SNCG: variants seen among roughly 807,000 people sequenced by gnomAD.
SNCG encodes gamma-synuclein.
Under a neutral mutation model 16.0 loss-of-function variants are expected in SNCG, and 13 were observed. The observed-to-expected ratio is 0.81, with a 90% CI of 0.53 to 1.29. The LOEUF (loss-of-function observed/expected upper bound fraction) is 1.29. Among genes scored for constraint, SNCG ranks in the 50% most tolerant of loss-of-function variants. The probability of loss-of-function intolerance (pLI) is 0.00; values close to 1 mark genes in which losing one functional copy is unlikely to be tolerated. For synonymous variants in SNCG, 66 were observed against 66.3 expected, an observed-to-expected ratio of 1.00 and a Z score of 0.02; for missense variants, 154 against 168.5, an observed-to-expected ratio of 0.91 and a Z score of 0.48.
At position 86,963,081 on chromosome 10, in the gene SNCG, C is replaced by A; in HGVS notation, c.*96C>A. On this transcript the variant is annotated 3_prime_UTR_variant, in exon 5 of 5. Coordinates refer to ENST00000372017, the MANE Select transcript of SNCG (RefSeq NM_003087.3). ...AGGAGTGCCCGCCTTGAGTGACATG[C>A]GGCTGCCCACGCTCCTGCCCTCGTC... is the stretch of plus-strand genomic sequence containing the variant. The A allele has an allele frequency of 7.8e-7, 1 of 1,281,498 alleles. No homozygotes were observed. The highest frequency in any genetic ancestry group is 1.1e-6 in the Non-Finnish European group (1 of 927,356). The allele number at this position is 1,281,498 out of a possible 1,614,324, so 79.4% of individuals were successfully genotyped here.
chr10:86,960,228 C>T (rs1844319419), intron 3 of SNCG, 100 bp downstream of exon 3: 6 of 1,164,810 alleles, frequency 5.2e-6, no homozygotes, highest in African/African-American at 1.5e-5. Context: ...GGAAACAACA[C>T]GGGGGGCTGC....
chr10:86,960,583 A>G (rs935015404), intron 3 of SNCG, among the ~76,000 whole-genome samples: 4 of 152,104 alleles, frequency 2.6e-5, no homozygotes, highest in African/African-American at 9.7e-5. Context: ...TGGGAGCCTC[A>G]GGGAAGTAGC....
chr10:86,956,434 G>C (rs548171715), upstream of SNCG, among the ~76,000 whole-genome samples: 170 of 151,792 alleles, frequency 1.1e-3, 1 homozygote, highest in Non-Finnish European at 2.0e-3. Context: ...GTGTAAGTTG[G>C]CCCCCCCCTC....
chr10:86,956,563 A>G (rs1349449674), upstream of SNCG, among the ~76,000 whole-genome samples: 1 of 152,216 alleles, frequency 6.6e-6, no homozygotes, highest in Non-Finnish European at 1.5e-5. Context: ...AGAGTTCACT[A>G]TGAGCTCTGA....
chr10:86,960,035 G>A lies in SNCG; in HGVS notation c.198G>A (p.Val66=), dbSNP rs775526277. The A allele has an allele frequency of 3.7e-6, 6 of 1,611,094 alleles. No homozygotes were observed. Among genetic ancestry groups the A allele is most frequent in the Non-Finnish European group, 5.1e-6 (6 of 1,179,170 alleles). Residue 66 remains valine, a synonymous_variant, in exon 3 of 5, where the codon GTG becomes GTA. Coordinates refer to ENST00000372017, the MANE Select transcript of SNCG (RefSeq NM_003087.3). The part of the protein sequence containing the change: ...AEKTKEQANA[V]SEAVVSSVNT... ...AGACCAAGGAGCAGGCCAACGCCGT[G>A]AGCGAGGCTGTGGTGAGCAGCGTCA...
At chr10:86,957,747 A>T (rs1402262475), upstream of SNCG, 2 of 1,365,792 alleles carry the variant, frequency 1.5e-6, no homozygotes, top group Non-Finnish European at 1.9e-6. Flanking sequence ...CGCCAACCAC[A>T]CAAGCCAGTT....
At chr10:86,962,000 T>C (rs1458832449) in intron 3 of SNCG, among the ~76,000 whole-genome samples, 2 of 152,144 alleles carry the variant, frequency 1.3e-5, no homozygotes, top group Non-Finnish European at 2.9e-5. Flanking sequence ...AGATAGAAGA[T>C]GGGAAGTGAG....
At chr10:86,957,805 T>A (rs994856576), upstream of SNCG, 1 of 1,263,290 alleles carries the variant, frequency 7.9e-7, no homozygotes, top group Non-Finnish European at 1.0e-6. Context: ...GTGGTAGACA[T>A]GGGGTGGCCC....
Position 86,958,676 on chromosome 10 carries a change from A to G in SNCG, c.-22A>G, listed in dbSNP as rs763058285. ...GATCCAGCTCCGTCCTGCCTGCAGC[A>G]GCACAACCCTGCACACCCACCATGG... On this transcript the variant is annotated 5_prime_UTR_variant, in exon 1 of 5. Coordinates refer to ENST00000372017, the MANE Select transcript of SNCG (RefSeq NM_003087.3). The G allele has an allele frequency of 6.2e-7, 1 of 1,613,530 alleles. No individual in the cohort carries two copies. The highest frequency in any genetic ancestry group is 1.3e-5 in the African/African-American group (1 of 74,940).
At chr10:86,956,376 C>T (rs1272980477), upstream of SNCG, among the ~76,000 whole-genome samples, 1 of 152,210 alleles carries the variant, frequency 6.6e-6, no homozygotes, top group Non-Finnish European at 1.5e-5. Flanking sequence ...TGAGACCTAT[C>T]CCAGGCAGGT....
Position 86,959,274 on chromosome 10 carries a change from G to A in SNCG, c.122-359G>A, listed in dbSNP as rs1169282435. ...GTTCCCTCCCCCGCATCCTCTCCTG[G>A]CACTCTCCAGAGGAGGAAGGGGAGG... is the stretch of plus-strand genomic sequence containing the variant. On this transcript the variant is annotated intron_variant, in intron 1 of 4. Coordinates refer to ENST00000372017, the MANE Select transcript of SNCG (RefSeq NM_003087.3). This position sits in a 1 kb window ranked among gnomAD's most constrained non-coding sequence, Gnocchi z 4.3. The A allele has an allele frequency of 4.8e-6, 2 of 420,610 alleles. No individual in the cohort carries two copies. The highest frequency in any genetic ancestry group is 8.5e-6 in the Non-Finnish European group (2 of 235,010). The allele number at this position is 420,610 out of a possible 1,614,324, so 26.1% of individuals were successfully genotyped here.
At chr10:86,962,354 T>C (rs954298746) in intron 3 of SNCG, among the ~76,000 whole-genome samples, 1 of 152,150 alleles carries the variant, frequency 6.6e-6, no homozygotes, top group Non-Finnish European at 1.5e-5. Flanking sequence ...TCCCAGAGAC[T>C]GGGGACCAGC....
At position 86,958,747 on chromosome 10, in the gene SNCG, G is replaced by GT. The variant is rs1564737154; in HGVS notation, c.51dup (p.Ala18CysfsTer14). The stretch of plus-strand genomic sequence containing the variant: ...TCCATCGCCAAGGAGGGCGTGGTGG[G>GT]TGCGGTGGAAAAGACCAAGCAGGGG... On this transcript the variant is annotated frameshift_variant, in exon 1 of 5. Transcript: ENST00000372017. LOFTEE classifies it high-confidence loss of function. The GT allele has an allele frequency of 1.9e-6, 3 of 1,613,994 alleles. No homozygotes were observed. In the East Asian group the frequency reaches 6.7e-5, roughly 36 times the overall value.
At position 86,959,459 on chromosome 10, in the gene SNCG, C is replaced by T. The variant is rs1564737475; in HGVS notation, c.122-174C>T. 3.1e-6 allele frequency: 2 copies of T among 643,334 alleles called. No homozygotes were observed. Among genetic ancestry groups the T allele is most frequent in the Non-Finnish European group, 5.6e-6 (2 of 357,462 alleles). The allele number at this position is 643,334 out of a possible 1,614,324, so 39.9% of individuals were successfully genotyped here. On this transcript the variant is annotated intron_variant, in intron 1 of 4. Transcript: ENST00000372017. The surrounding 1 kb of genome is among the most constrained non-coding windows in gnomAD (Gnocchi z 4.3). ...TCTGTCCTGTCCCCTTCCCATCCAT[C>T]CACTTCTTCCAGACACAGCAGGAAG...
At position 86,962,624 on chromosome 10, in the gene SNCG, C is replaced by T. The variant is rs1172092068; in HGVS notation, c.312C>T (p.Ala104=). Residue 104 remains alanine, a synonymous_variant, in exon 4 of 5, where the codon GCC becomes GCT. Coordinates refer to ENST00000372017, the MANE Select transcript of SNCG (RefSeq NM_003087.3). ...VVRKEDLRPS[A]PQQEGEASKE... is the part of the protein sequence containing the mutation. Reference sequence around the variant, plus strand: ...TACAGGAGGACTTGAGGCCATCTGCCCCCCAACAGGAGGGTGAGGCATCCA... The same window carrying T: ...TACAGGAGGACTTGAGGCCATCTGCTCCCCAACAGGAGGGTGAGGCATCCA... The T allele has an allele frequency of 2.5e-6, 4 of 1,612,674 alleles. No individual in the cohort carries two copies. In the Middle Eastern group the frequency reaches 5.0e-4, roughly 200 times the overall value.
chr10:86,958,007 G>C (rs1455449904), upstream of SNCG: 1 of 1,010,400 alleles, frequency 9.9e-7, no homozygotes, highest in African/African-American at 1.7e-5. Flanking sequence ...AAGAAGGGAA[G>C]GGACTATTCT....
chr10:86,956,690 C>T (rs768442869), upstream of SNCG, among the ~76,000 whole-genome samples: 6 of 152,230 alleles, frequency 3.9e-5, no homozygotes, highest in Admixed American at 6.5e-5. Context: ...CTGAGATACA[C>T]GTGGCAAGGT....
In SNCG at chr10:86,958,676, A is replaced by C; in HGVS notation, c.-22A>C. 6.2e-7 allele frequency: 1 copy of C among 1,613,648 alleles called. No individual in the cohort carries two copies. Among genetic ancestry groups the C allele is most frequent in the South Asian group, 1.1e-5 (1 of 91,064 alleles). Reference sequence around the variant, plus strand: ...GATCCAGCTCCGTCCTGCCTGCAGCAGCACAACCCTGCACACCCACCATGG... The same window carrying C: ...GATCCAGCTCCGTCCTGCCTGCAGCCGCACAACCCTGCACACCCACCATGG... On this transcript the variant is annotated 5_prime_UTR_variant, in exon 1 of 5. Transcript: ENST00000372017.
intron 4 of SNCG, 50 bp from the exon 5 acceptor site, chr10:86,962,915 C>G: frequency 6.3e-7 from 1 of 1,578,300 alleles, no homozygotes; most frequent in Non-Finnish European, 8.6e-7. Flanking sequence ...CAGGGTGGCC[C>G]ATTAAGGCTG....
Sources: gnomAD v4.1 joint callset for allele counts (sites outside exome capture counted in the v4.1 genomes callset) on GRCh38, gnomAD v4.1.1 for gene constraint, Gnocchi (gnomAD v3.1) non-coding constraint, MANE v1.5 for transcripts, NCBI Gene and HGNC (gene_info 2026-07-23, HGNC 2026-07-21) for gene names.